Variants in CTXN2 observed in about 807,000 individuals in gnomAD.
CTXN2 encodes the protein cortexin 2.
CTXN2 carries 3 observed loss-of-function variants against 5.7 expected under a neutral mutation model. That is an observed-to-expected ratio of 0.53 (90% confidence interval 0.24 to 1.36). The LOEUF is 1.36. CTXN2 is among the 40% of genes most tolerant of loss of function. CTXN2 has a pLI of 0.17. For missense variants in CTXN2, 87 were observed against 93.0 expected (o/e 0.94, Z 0.26); for synonymous variants, 38 against 36.4 (o/e 1.04, Z -0.16).
chr15:48,201,872 C>T lies in CTXN2; in HGVS notation c.*326C>T. 1 of 294,666 alleles carries T rather than the reference C, an allele frequency of 3.4e-6. No individual in the cohort carries two copies. The highest frequency in any genetic ancestry group is 6.8e-6 in the Non-Finnish European group (1 of 147,554). The allele number at this position is 294,666 out of a possible 1,614,324, so 18.3% of individuals were successfully genotyped here. ...TAAACTGTGCCAAAGGCATCTTGCT[C>T]TCTCCCCTCTGAAAAGCCCAGGCAT... is the stretch of plus-strand genomic sequence containing the variant. On this transcript the variant is annotated 3_prime_UTR_variant, in exon 2 of 2. Transcript: ENST00000417307.
At chr15:48,184,349 T>C (rs1254872285) in intron 1 of CTXN2, among the ~76,000 whole-genome samples, 1 of 152,150 alleles carries the variant, frequency 6.6e-6, no homozygotes, top group Admixed American at 6.5e-5. Context: ...TGTTCATTCT[T>C]TAACAATGCA....
At chr15:48,184,822 T>C (rs1025080447) in intron 1 of CTXN2, among the ~76,000 whole-genome samples, 1 of 152,176 alleles carries the variant, frequency 6.6e-6, no homozygotes, top group Non-Finnish European at 1.5e-5. Context: ...TGAAAACTTA[T>C]GTCCACACAA....
At chr15:48,199,990 G>A (rs925555415) in intron 1 of CTXN2, among the ~76,000 whole-genome samples, 2 of 152,050 alleles carry the variant, frequency 1.3e-5, no homozygotes, top group East Asian at 1.9e-4. Flanking sequence ...ACAAAATATT[G>A]ATTGATATTA....
intron 1 of CTXN2, among the ~76,000 whole-genome samples, chr15:48,181,814 A>G (rs2040703606): frequency 6.6e-6 from 1 of 152,192 alleles, no homozygotes; most frequent in Non-Finnish European, 1.5e-5. Context: ...AACAAAAAGT[A>G]TGGTATAATT....
intron 1 of CTXN2, among the ~76,000 whole-genome samples, chr15:48,196,987 T>C (rs1335367156): frequency 6.7e-6 from 1 of 150,138 alleles, no homozygotes; most frequent in Admixed American, 6.7e-5. Context: ...ATTATTCTAC[T>C]GAAGTATTAT....
intron 1 of CTXN2, among the ~76,000 whole-genome samples, chr15:48,193,037 C>T (rs547749926): frequency 6.2e-4 from 95 of 152,232 alleles, no homozygotes; most frequent in Admixed American, 5.3e-3. Flanking sequence ...TAACTGCTTA[C>T]GGAGATATGA....
intron 1 of CTXN2, among the ~76,000 whole-genome samples, chr15:48,186,010 TAGAA>T (rs1199254489): frequency 6.6e-6 from 1 of 152,222 alleles, no homozygotes; most frequent in Non-Finnish European, 1.5e-5. Context: ...TACATTATGT[TAGAA>T]AACTGCTCTT....
At chr15:48,196,452 T>C (rs1362041945) in intron 1 of CTXN2, among the ~76,000 whole-genome samples, 1 of 152,096 alleles carries the variant, frequency 6.6e-6, no homozygotes, top group East Asian at 1.9e-4. Context: ...TAGATTAAAG[T>C]GAAACCTTTG....
chr15:48,187,881 CAA>C (rs200118608), upstream of CTXN2, among the ~76,000 whole-genome samples: 1,383 of 152,170 alleles, frequency 9.1e-3, 25 homozygotes, highest in African/African-American at 0.032. Flanking sequence ...AATAGGGTAA[CAA>C]AGTGGTTTGA....
intron 1 of CTXN2, among the ~76,000 whole-genome samples, chr15:48,196,198 G>T (rs190332007): frequency 6.6e-6 from 1 of 152,084 alleles, no homozygotes; most frequent in East Asian, 1.9e-4. Context: ...TACATGAATT[G>T]CCAAGTCATT....
chr15:48,197,437 T>C (rs957510417), intron 1 of CTXN2, among the ~76,000 whole-genome samples: 12 of 152,094 alleles, frequency 7.9e-5, no homozygotes, highest in African/African-American at 2.9e-4. Context: ...TATGGATATA[T>C]AGAGATAGAT....
At chr15:48,190,177 G>C (rs1412644874), upstream of CTXN2, 1 of 152,178 alleles carries the variant, frequency 6.6e-6, no homozygotes, top group Non-Finnish European at 1.5e-5. Context: ...TGTCAGAAAA[G>C]CACAATCTGA....
chr15:48,191,960 A>T, intron 1 of CTXN2, 107 bp downstream of exon 1: 8 of 373,850 alleles, frequency 2.1e-5, no homozygotes, highest in Non-Finnish European at 3.3e-5. Context: ...ATTCTCTTGT[A>T]TTTCTGAAGC....
At chr15:48,181,565 ATTTAT>A (rs904249105) in intron 1 of CTXN2, among the ~76,000 whole-genome samples, 5 of 152,142 alleles carry the variant, frequency 3.3e-5, no homozygotes, top group African/African-American at 9.7e-5. Context: ...CTTTTTTTTA[ATTTAT>A]TTTGTCTTTA....
chr15:48,193,422 T>G (rs2040844451), intron 1 of CTXN2, among the ~76,000 whole-genome samples: 1 of 152,148 alleles, frequency 6.6e-6, no homozygotes, highest in South Asian at 2.1e-4. Flanking sequence ...CAAATAACTT[T>G]TACCACTACC....
Position 48,201,696 on chromosome 15 carries a change from T to A in CTXN2, c.*150T>A. Reference sequence around the variant, plus strand: ...TAATTTCTTCACCATGCTGTGTAAATGATAAACTATTGTTGGGATTCCTCA... The same window carrying A: ...TAATTTCTTCACCATGCTGTGTAAAAGATAAACTATTGTTGGGATTCCTCA... On this transcript the variant is annotated 3_prime_UTR_variant, in exon 2 of 2. Coordinates refer to ENST00000417307, the MANE Select transcript of CTXN2 (RefSeq NM_001145668.2). The A allele has an allele frequency of 1.3e-6, 1 of 773,176 alleles. No homozygotes were observed. Among genetic ancestry groups the A allele is most frequent in the South Asian group, 1.9e-5 (1 of 52,628 alleles). The allele number at this position is 773,176 out of a possible 1,614,324, so 47.9% of individuals were successfully genotyped here. A position where few individuals can be genotyped will look rare whatever the true frequency, so the allele number is the denominator to read the frequency against.
chr15:48,189,403 A>G (rs2040791628), upstream of CTXN2: 1 of 152,240 alleles, frequency 6.6e-6, no homozygotes, highest in African/African-American at 2.4e-5. Context: ...ATTTCAAGTC[A>G]TAAAGTGACA....
chr15:48,198,550 T>C (rs1006471581), intron 1 of CTXN2, among the ~76,000 whole-genome samples: 5 of 152,208 alleles, frequency 3.3e-5, no homozygotes, highest in Non-Finnish European at 5.9e-5. Context: ...CGCTGTATGA[T>C]GGACATATTA....
At position 48,201,869 on chromosome 15, in the gene CTXN2, G is replaced by T. The variant is rs1222612883; in HGVS notation, c.*323G>T. On this transcript the variant is annotated 3_prime_UTR_variant, in exon 2 of 2. Coordinates refer to ENST00000417307, the MANE Select transcript of CTXN2 (RefSeq NM_001145668.2). ...TAATAAACTGTGCCAAAGGCATCTT[G>T]CTCTCTCCCCTCTGAAAAGCCCAGG... 1 of 299,510 alleles carries T rather than the reference G, an allele frequency of 3.3e-6. No individual in the cohort carries two copies. The highest frequency in any genetic ancestry group is 6.6e-6 in the Non-Finnish European group (1 of 150,626). 18.6% of individuals were successfully genotyped at this position (299,510 alleles called of 1,614,324 possible).
Sources: allele counts gnomAD v4.1 joint callset (sites outside exome capture counted in the v4.1 genomes callset), GRCh38; gene constraint gnomAD v4.1.1; transcripts MANE v1.5; gene names NCBI Gene and HGNC (gene_info 2026-07-23, HGNC 2026-07-21).